The following ADCY2 variants were observed in gnomAD, a reference collection of about 807,000 sequenced individuals.
ADCY2 encodes the protein adenylate cyclase type 2.
A neutral mutation model predicts 125.2 loss-of-function variants in ADCY2; 31 were observed. The observed-to-expected ratio is 0.25, with a 90% CI of 0.19 to 0.33. The LOEUF is 0.33. Among genes scored for constraint, ADCY2 ranks in the 10% least tolerant of loss-of-function variants. ADCY2 has a pLI of 1.00. For synonymous variants in ADCY2, 512 were observed against 548.4 expected (o/e 0.93, Z 0.93); for missense variants, 904 against 1,418.2 (o/e 0.64, Z 5.82).
At chr5:7,724,684 C>A in intron 13 of ADCY2, 70 bp downstream of exon 13, 2 of 1,186,762 alleles carry the variant, frequency 1.7e-6, no homozygotes, top group Non-Finnish European at 1.2e-6. Flanking sequence ...TGAAATTGTG[C>A]TCATGTTTTT....
chr5:7,640,417 T>C lies in ADCY2; in HGVS notation c.720+14101T>C, dbSNP rs142593790. 1.6e-3 allele frequency among the ~76,000 whole-genome samples: 242 copies of C among 152,288 alleles called. 3 individuals carry two copies. In the East Asian group the frequency reaches 0.037, roughly 23 times the overall value. ...TATGAGTGGAATTGTGAATGCTTTA[T>C]TGAAAAACAGAGGAAAATTTTTCCA... On this transcript the variant is annotated intron_variant, in intron 4 of 24. Coordinates refer to ENST00000338316, the MANE Select transcript of ADCY2 (RefSeq NM_020546.3).
At position 7,827,301 on chromosome 5, in the gene ADCY2, C is replaced by G. The variant is rs1015802507; in HGVS notation, c.*430C>G. ...GTGAATAAGTTGATTCTGTCCCCCA[C>G]GTGGACTCTGTGCTCACCCATTGTC... On this transcript the variant is annotated 3_prime_UTR_variant, in exon 25 of 25. Coordinates refer to ENST00000338316, the MANE Select transcript of ADCY2 (RefSeq NM_020546.3). 6.0e-6 allele frequency: 1 copy of G among 166,032 alleles called. No homozygotes were observed. The highest frequency in any genetic ancestry group is 1.3e-5 in the Non-Finnish European group (1 of 76,174). 10.3% of individuals were successfully genotyped at this position (166,032 alleles called of 1,614,324 possible).
chr5:7,813,682 C>T (rs554437868), intron 22 of ADCY2, among the ~76,000 whole-genome samples: 1 of 152,228 alleles, frequency 6.6e-6, no homozygotes, highest in South Asian at 2.1e-4. Flanking sequence ...TTTGCTAAGC[C>T]CAAATGACTT....
chr5:7,622,493 TA>T (rs1222862196), intron 3 of ADCY2, among the ~76,000 whole-genome samples: 9 of 152,302 alleles, frequency 5.9e-5, no homozygotes, highest in Non-Finnish European at 1.3e-4. Flanking sequence ...ATATATAAAT[TA>T]AAAATCAGTA....
chr5:7,402,182 G>A (rs1229099754), intron 1 of ADCY2, among the ~76,000 whole-genome samples: 2 of 152,166 alleles, frequency 1.3e-5, no homozygotes, highest in Non-Finnish European at 2.9e-5. Flanking sequence ...CCACTTTCTG[G>A]ATCTTCCTGA....
At chr5:7,770,987 C>T (rs966292822) in intron 17 of ADCY2, among the ~76,000 whole-genome samples, 1 of 152,166 alleles carries the variant, frequency 6.6e-6, no homozygotes, top group African/African-American at 2.4e-5. Flanking sequence ...GAAACAAGCT[C>T]ACTCTGCCAA....
At chr5:7,805,878 G>A (rs1043095120) in intron 22 of ADCY2, among the ~76,000 whole-genome samples, 2 of 152,214 alleles carry the variant, frequency 1.3e-5, no homozygotes. Context: ...GTTAATTGGA[G>A]TGATATGTAT....
chr5:7,445,059 G>A (rs1400756164), intron 2 of ADCY2, among the ~76,000 whole-genome samples: 1 of 152,134 alleles, frequency 6.6e-6, no homozygotes, highest in Non-Finnish European at 1.5e-5. Flanking sequence ...TTGCATTTTG[G>A]TGTGATGTTT....
Position 7,396,549 on chromosome 5 carries a change from C to G in ADCY2, c.210+43C>G, listed in dbSNP as rs1739049652. The G allele has an allele frequency of 2.0e-6, 3 of 1,508,850 alleles. No individual in the cohort carries two copies. The African/African-American group carries it at 4.3e-5, about 22-fold the overall frequency. The allele number at this position is 1,508,850 out of a possible 1,614,324, so 93.5% of individuals were successfully genotyped here. On this transcript the variant is annotated intron_variant, in intron 1 of 24. Transcript: ENST00000338316. The surrounding 1 kb of genome is among the most constrained non-coding windows in gnomAD (Gnocchi z 5.7). The stretch of plus-strand genomic sequence containing the variant: ...GGGTCCAGCGCCGCGCCTTCCCCGG[C>G]CCTGAGAGGAGCCCGGCCAGCCGAG...
chr5:7,516,424 G>A (rs1346684542), intron 2 of ADCY2, among the ~76,000 whole-genome samples: 2 of 152,114 alleles, frequency 1.3e-5, no homozygotes, highest in Non-Finnish European at 2.9e-5. Flanking sequence ...GGAATTCCGG[G>A]CTTAACATCA....
chr5:7,398,957 T>C (rs922137208), intron 1 of ADCY2, among the ~76,000 whole-genome samples: 4 of 152,332 alleles, frequency 2.6e-5, no homozygotes, highest in African/African-American at 9.6e-5. Context: ...GAAGGTAGAA[T>C]AGGGCTAAGG....
chr5:7,758,296 C>T (rs76519282), intron 16 of ADCY2, among the ~76,000 whole-genome samples: 5,281 of 152,198 alleles, frequency 0.035, 305 homozygotes, highest in African/African-American at 0.12. Flanking sequence ...TCATCAGTGC[C>T]GGTTATCTCC....
chr5:7,672,030 T>C (rs1349756164), intron 4 of ADCY2, among the ~76,000 whole-genome samples: 8 of 152,150 alleles, frequency 5.3e-5, no homozygotes, highest in South Asian at 4.2e-4. Flanking sequence ...GCTATCTCAG[T>C]AGCAAGCAGT....
intron 1 of ADCY2, among the ~76,000 whole-genome samples, chr5:7,402,150 G>A (rs1739288483): frequency 6.6e-6 from 1 of 152,176 alleles, no homozygotes; most frequent in Admixed American, 6.5e-5. Flanking sequence ...CAAGAGCTGA[G>A]GGCATTCAAC....
chr5:7,460,801 G>A (rs1741889605), intron 2 of ADCY2, among the ~76,000 whole-genome samples: 2 of 152,222 alleles, frequency 1.3e-5, no homozygotes, highest in Non-Finnish European at 2.9e-5. Context: ...ACGAAGGGCA[G>A]GGAGGAGACA....
At chr5:7,677,598 G>A (rs1323793438) in intron 4 of ADCY2, among the ~76,000 whole-genome samples, 5 of 152,198 alleles carry the variant, frequency 3.3e-5, no homozygotes, top group Non-Finnish European at 5.9e-5. Flanking sequence ...TCCACATGGA[G>A]AAGACCCAAA....
chr5:7,501,596 A>G (rs1373815749), intron 2 of ADCY2, among the ~76,000 whole-genome samples: 2 of 133,974 alleles, frequency 1.5e-5, no homozygotes, highest in African/African-American at 5.6e-5. Context: ...ATAATGACAT[A>G]GGATTAGATG....
intron 20 of ADCY2, chr5:7,799,676 C>A (rs1269588431): frequency 6.6e-6 from 1 of 152,334 alleles, no homozygotes; most frequent in Non-Finnish European, 1.5e-5. Flanking sequence ...AGCTCCATTT[C>A]CTCACGTAGT....
At chr5:7,447,083 C>G (rs1344305087) in intron 2 of ADCY2, among the ~76,000 whole-genome samples, 1 of 151,962 alleles carries the variant, frequency 6.6e-6, no homozygotes, top group Non-Finnish European at 1.5e-5. Flanking sequence ...GTTACGCTGT[C>G]TGTCATCACT....
Sources: gnomAD v4.1 joint callset for allele counts (sites outside exome capture counted in the v4.1 genomes callset) on GRCh38, gnomAD v4.1.1 for gene constraint, Gnocchi (gnomAD v3.1) non-coding constraint, MANE v1.5 for transcripts, NCBI Gene and HGNC (gene_info 2026-07-23, HGNC 2026-07-21) for gene names.